TFDP2: variants seen among roughly 807,000 people sequenced by gnomAD.
The protein encoded by TFDP2 is transcription factor Dp-2 (E2F dimerization partner 2).
Under a neutral mutation model 59.3 loss-of-function variants are expected in TFDP2, and 17 were observed. That is an observed-to-expected ratio of 0.29 (90% CI 0.20 to 0.43). The LOEUF is 0.43. Among genes scored for constraint, TFDP2 ranks in the 20% least tolerant of loss-of-function variants. The pLI is 1.00. For synonymous variants in TFDP2, 180 were observed against 194.7 expected, an observed-to-expected ratio of 0.92 and a Z score of 0.63; for missense variants, 391 against 528.8, an observed-to-expected ratio of 0.74 and a Z score of 2.56.
At chr3:142,080,363 G>C (rs59423010) in intron 3 of TFDP2, among the ~76,000 whole-genome samples, 99 of 152,114 alleles carry the variant, frequency 6.5e-4, no homozygotes, top group African/African-American at 2.4e-3. Context: ...AAAATAAAAA[G>C]CAAGAAATTA....
intron 3 of TFDP2, among the ~76,000 whole-genome samples, chr3:142,072,392 A>G (rs2060277815): frequency 1.3e-5 from 2 of 152,352 alleles, no homozygotes; most frequent in South Asian, 4.1e-4. Flanking sequence ...CTACTACACT[A>G]TACTACCTTC....
rs114700481 is a variant in TFDP2 at position 142,094,832 on chromosome 3, C to A, written c.16-1705G>T. On this transcript the variant is annotated intron_variant, in intron 2 of 12. Coordinates refer to ENST00000489671, the MANE Select transcript of TFDP2 (RefSeq NM_001178139.2). ...GCGAAGATTCAATTTAAGATCTATC[C>A]TTTTAGCAAATTACAAGCACACAAT... Among the ~76,000 whole-genome samples the A allele has an allele frequency of 7.5e-4, 114 of 152,246 alleles. 1 individual carries two copies. Among genetic ancestry groups the A allele is most frequent in the African/African-American group, 2.6e-3 (110 of 41,550 alleles).
chr3:141,963,527 T>C (rs1359331260), intron 10 of TFDP2, among the ~76,000 whole-genome samples: 1 of 152,060 alleles, frequency 6.6e-6, no homozygotes, highest in Admixed American at 6.6e-5. Context: ...TTGCTCAGAG[T>C]TACCACATAC....
chr3:142,030,927 A>G (rs977482180), intron 3 of TFDP2, among the ~76,000 whole-genome samples: 5 of 150,830 alleles, frequency 3.3e-5, no homozygotes, highest in African/African-American at 1.2e-4. Context: ...TATTTTTAGT[A>G]GAGACAGGGT....
At chr3:142,060,406 C>A (rs1047920029) in intron 3 of TFDP2, among the ~76,000 whole-genome samples, 2 of 152,102 alleles carry the variant, frequency 1.3e-5, no homozygotes, top group South Asian at 2.1e-4. Context: ...CCCAACAAAA[C>A]CTAAAAAGAG....
At chr3:142,033,732 T>C (rs1329539579) in intron 3 of TFDP2, among the ~76,000 whole-genome samples, 2 of 152,154 alleles carry the variant, frequency 1.3e-5, no homozygotes, top group Non-Finnish European at 2.9e-5. Context: ...TTCATCCAAA[T>C]TCAAGTATTT....
In TFDP2 at chr3:142,056,399, T is replaced by C. The variant is rs1447368093; in HGVS notation, c.82+36662A>G. 2.6e-5 allele frequency among the ~76,000 whole-genome samples: 4 copies of C among 151,018 alleles called. 1 individual carries two copies. The highest frequency in any genetic ancestry group is 4.2e-4 in the South Asian group (2 of 4,780). On this transcript the variant is annotated intron_variant, in intron 3 of 12. Coordinates refer to ENST00000489671, the MANE Select transcript of TFDP2 (RefSeq NM_001178139.2). ...GGCAACTAAATAGACAATTAAAATA[T>C]AGTGCGGTAAATATAGAAGCGGGAT...
chr3:142,129,300 C>T lies in TFDP2; in HGVS notation c.-93+19883G>A, dbSNP rs1439653313. 2.0e-5 allele frequency among the ~76,000 whole-genome samples: 3 copies of T among 151,626 alleles called. No homozygotes were observed. The East Asian group carries it at 5.8e-4, about 29-fold the overall frequency. The stretch of plus-strand genomic sequence containing the variant: ...TGGGGGTTGCTGGAGGAAGTAACAG[C>T]TAAAAATCCTCAGATTCAGAAATGA... On this transcript the variant is annotated intron_variant, in intron 1 of 12. Coordinates refer to ENST00000489671, the MANE Select transcript of TFDP2 (RefSeq NM_001178139.2).
intron 3 of TFDP2, among the ~76,000 whole-genome samples, chr3:142,065,871 G>T (rs747512729): frequency 6.6e-6 from 1 of 151,608 alleles, no homozygotes; most frequent in Admixed American, 6.6e-5. Context: ...AATAAAACAG[G>T]CTTACTAGAT....
intron 1 of TFDP2, among the ~76,000 whole-genome samples, chr3:142,120,911 C>A (rs1459864201): frequency 6.6e-6 from 1 of 152,124 alleles, no homozygotes; most frequent in African/African-American, 2.4e-5. Context: ...GCTTTACCAG[C>A]AGCTCTGGGG....
intron 3 of TFDP2, among the ~76,000 whole-genome samples, chr3:142,073,090 T>C (rs775808007): frequency 1.3e-5 from 2 of 152,192 alleles, no homozygotes; most frequent in African/African-American, 2.4e-5. Context: ...TGTGCCTTAA[T>C]ATGCTGTGAT....
intron 1 of TFDP2, among the ~76,000 whole-genome samples, chr3:142,116,376 TAAG>T (rs1478157041): frequency 1.3e-5 from 2 of 152,016 alleles, no homozygotes; most frequent in Non-Finnish European, 2.9e-5. Context: ...GGTATTCTCT[TAAG>T]AGGAAAAAAG....
chr3:141,959,900 G>GT, intron 10 of TFDP2, 60 bp from the exon 11 acceptor site: 1 of 1,531,636 alleles, frequency 6.5e-7, no homozygotes, highest in Non-Finnish European at 8.9e-7. Flanking sequence ...GAATAGTTTT[G>GT]TATTCTATAG....
At chr3:142,095,999 T>C (rs1177620848) in intron 2 of TFDP2, among the ~76,000 whole-genome samples, 1 of 152,212 alleles carries the variant, frequency 6.6e-6, no homozygotes. Context: ...ATATTCATAA[T>C]AGAGAGTTCA....
intron 6 of TFDP2, among the ~76,000 whole-genome samples, chr3:141,992,268 T>TA (rs888405557): frequency 5.4e-4 from 79 of 147,608 alleles, no homozygotes; most frequent in South Asian, 1.1e-3. Context: ...TAAAAAATGA[T>TA]AAAAAAAAAA....
chr3:142,000,123 G>GGT, intron 4 of TFDP2: 1 of 484,342 alleles, frequency 2.1e-6, no homozygotes, highest in Non-Finnish European at 3.7e-6. Context: ...GCTGTAACTG[G>GGT]GTGTCTTAGT....
intron 4 of TFDP2, among the ~76,000 whole-genome samples, chr3:142,001,550 G>A (rs890445889): frequency 2.0e-5 from 3 of 152,256 alleles, no homozygotes; most frequent in South Asian, 2.1e-4. Flanking sequence ...ACCCATGCAC[G>A]CTAATCTCCT....
intron 4 of TFDP2, among the ~76,000 whole-genome samples, chr3:142,001,944 A>T (rs1328290830): frequency 6.7e-6 from 1 of 148,360 alleles, no homozygotes; most frequent in Non-Finnish European, 1.5e-5. Flanking sequence ...GGCCCAAGTG[A>T]TCCTCTCTCC....
At chr3:141,986,600 T>C (rs1015514319) in intron 6 of TFDP2, among the ~76,000 whole-genome samples, 3 of 152,228 alleles carry the variant, frequency 2.0e-5, no homozygotes, top group African/African-American at 4.8e-5. Flanking sequence ...AGGCTAATAG[T>C]GTTTCTATAA....
Sources: allele counts gnomAD v4.1 joint callset (sites outside exome capture counted in the v4.1 genomes callset), GRCh38; gene constraint gnomAD v4.1.1; transcripts MANE v1.5; gene names NCBI Gene and HGNC (gene_info 2026-07-23, HGNC 2026-07-21).